Variants in ARMC2 observed in about 807,000 individuals in gnomAD.
ARMC2 encodes armadillo repeat-containing protein 2.
In ARMC2, 67 loss-of-function variants were observed where a neutral mutation model predicts 90.3. The observed-to-expected ratio is 0.74, with a 90% CI of 0.61 to 0.91. The LOEUF (loss-of-function observed/expected upper bound fraction) is 0.91. ARMC2 is among the 40% of genes least tolerant of loss of function. The probability of loss-of-function intolerance (pLI) is 0.00; values close to 1 mark genes in which losing one functional copy is unlikely to be tolerated. For synonymous variants in ARMC2, 393 were observed against 393.0 expected (o/e 1.00, Z 0.00); for missense variants, 920 against 1,030.9 (o/e 0.89, Z 1.47).
At position 108,894,650 on chromosome 6, in the gene ARMC2, A is replaced by T. The variant is rs1583037117; in HGVS notation, c.748+107A>T. The T allele has an allele frequency of 3.2e-6, 3 of 945,016 alleles. No individual in the cohort carries two copies. In the East Asian group the frequency reaches 8.6e-5, roughly 27 times the overall value. The allele number at this position is 945,016 out of a possible 1,614,324, so 58.5% of individuals were successfully genotyped here. A position where few individuals can be genotyped will look rare whatever the true frequency, so the allele number is the denominator to read the frequency against. On this transcript the variant is annotated intron_variant, in intron 6 of 17. Transcript: ENST00000392644. ...ACTGGAAACTTAAGGAAGTTTGTCCAATTTGGTCACAAATCAACATTTATT... is the reference window on the plus strand; with the variant it reads ...ACTGGAAACTTAAGGAAGTTTGTCCTATTTGGTCACAAATCAACATTTATT...
chr6:108,981,951 G>A, the ARMC2 span, among the ~76,000 whole-genome samples: 1 of 152,136 alleles, frequency 6.6e-6, no homozygotes, highest in Admixed American at 6.5e-5. Flanking sequence ...ACAGGTGTGA[G>A]CCACCTGTGC....
At chr6:108,912,066 A>G (rs1258083161) in intron 9 of ARMC2, among the ~76,000 whole-genome samples, 1 of 152,150 alleles carries the variant, frequency 6.6e-6, no homozygotes, top group African/African-American at 2.4e-5. Context: ...AATAATTAGT[A>G]AGAGGCAAGG....
At chr6:108,863,122 G>T (rs961475020) in intron 3 of ARMC2, among the ~76,000 whole-genome samples, 1 of 152,106 alleles carries the variant, frequency 6.6e-6, no homozygotes, top group African/African-American at 2.4e-5. Flanking sequence ...GAAACACTCT[G>T]ATTTGTAGGG....
At chr6:109,020,331 T>C in the ARMC2 span, among the ~76,000 whole-genome samples, 2 of 152,220 alleles carry the variant, frequency 1.3e-5, no homozygotes, top group African/African-American at 4.8e-5. Context: ...GATTATTTGT[T>C]TCATCTTTAT....
At chr6:108,914,378 C>T (rs1285912464) in intron 10 of ARMC2, among the ~76,000 whole-genome samples, 1 of 152,166 alleles carries the variant, frequency 6.6e-6, no homozygotes, top group Non-Finnish European at 1.5e-5. Flanking sequence ...GTCGGATCCC[C>T]CCTCCTTTCC....
chr6:108,886,797 A>T (rs1178736215), intron 5 of ARMC2, among the ~76,000 whole-genome samples: 1 of 152,190 alleles, frequency 6.6e-6, no homozygotes, highest in East Asian at 1.9e-4. Flanking sequence ...CTCTTTAGGG[A>T]AAAAGCTTGC....
chr6:108,924,002 T>G (rs1774866009), intron 10 of ARMC2: 1 of 152,144 alleles, frequency 6.6e-6, no homozygotes, highest in Non-Finnish European at 1.5e-5. Flanking sequence ...ATGAGCACAT[T>G]TGTTGTCCTC....
At chr6:108,962,518 A>G (rs1456164799) in intron 15 of ARMC2, among the ~76,000 whole-genome samples, 1 of 152,246 alleles carries the variant, frequency 6.6e-6, no homozygotes, top group Admixed American at 6.5e-5. Context: ...TCATTATGGT[A>G]TATTCATGCA....
chr6:109,001,529 T>C, the ARMC2 span: 56 of 1,570,030 alleles, frequency 3.6e-5, no homozygotes, highest in Admixed American at 2.9e-4. Flanking sequence ...AAATGGTAAA[T>C]TGGTGTTAAG....
intron 5 of ARMC2, among the ~76,000 whole-genome samples, chr6:108,890,205 A>C (rs982848081): frequency 4.0e-3 from 137 of 33,982 alleles, no homozygotes; most frequent in East Asian, 0.024. Context: ...AAAAAAAAAA[A>C]AAAAAAAAAA....
chr6:108,904,187 A>G, intron 7 of ARMC2, 43 bp from the exon 8 acceptor site: 1 of 1,597,096 alleles, frequency 6.3e-7, no homozygotes, highest in Non-Finnish European at 8.5e-7. Context: ...TGGAAACTTA[A>G]CCTTAATTAG....
chr6:108,987,929 T>A, the ARMC2 span, among the ~76,000 whole-genome samples: 3 of 151,742 alleles, frequency 2.0e-5, no homozygotes, highest in Admixed American at 6.6e-5. Flanking sequence ...CAGCTTCCCA[T>A]GTAGCTGGGA....
At chr6:108,961,808 C>A (rs905465985) in intron 14 of ARMC2, 114 bp downstream of exon 14, 2 of 1,291,876 alleles carry the variant, frequency 1.5e-6, no homozygotes, top group South Asian at 1.5e-5. Context: ...ACAGAAATGT[C>A]TTAGAGCCTG....
rs1028583444 is a variant in ARMC2, at chr6:108,887,213, A to T, written c.672-7254A>T. ...AGATGTGAGCCACCATGCCTGGCTA[A>T]TTTTATAGTATTTTTAAAGAAATAT... On this transcript the variant is annotated intron_variant, in intron 5 of 17. Transcript: ENST00000392644. Among the ~76,000 whole-genome samples the T allele has an allele frequency of 3.9e-5, 6 of 152,064 alleles. No individual in the cohort carries two copies. In the East Asian group the frequency reaches 1.2e-3, roughly 29 times the overall value.
chr6:108,922,865 T>G (rs766886616), intron 10 of ARMC2: 8 of 152,232 alleles, frequency 5.3e-5, no homozygotes, highest in African/African-American at 9.6e-5. Flanking sequence ...AGTAGTAGAT[T>G]GGTAACCAGA....
intron 10 of ARMC2, among the ~76,000 whole-genome samples, chr6:108,916,781 TG>T (rs1384589271): frequency 6.6e-6 from 1 of 152,174 alleles, no homozygotes; most frequent in Non-Finnish European, 1.5e-5. Context: ...CGGGCAGGCA[TG>T]ACACAGGAGC....
chr6:108,972,645 A>G (rs116008914), intron 17 of ARMC2, among the ~76,000 whole-genome samples: 2,668 of 152,226 alleles, frequency 0.018, 80 homozygotes, highest in African/African-American at 0.062. Flanking sequence ...ATTAGTTGAA[A>G]TAAGGGTTCA....
At chr6:109,047,014 G>C in the ARMC2 span, among the ~76,000 whole-genome samples, 1 of 46,582 alleles carries the variant, frequency 2.1e-5, no homozygotes, top group Non-Finnish European at 4.2e-5. Context: ...CCCCCTGCCC[G>C]GCCAGCCGCC....
At chr6:109,001,830 T>A in the ARMC2 span, among the ~76,000 whole-genome samples, 13 of 152,288 alleles carry the variant, frequency 8.5e-5, no homozygotes, top group South Asian at 2.7e-3. Context: ...CCGCCTACTC[T>A]CACTCAATTT....
Sources: allele counts gnomAD v4.1 joint callset (sites outside exome capture counted in the v4.1 genomes callset), GRCh38; gene constraint gnomAD v4.1.1; transcripts MANE v1.5; gene names NCBI Gene and HGNC (gene_info 2026-07-23, HGNC 2026-07-21).